The following KCNQ5 variants were observed in gnomAD, a reference collection of about 807,000 sequenced individuals.
KCNQ5 encodes the protein potassium voltage-gated channel subfamily Q member 5.
KCNQ5 carries 30 observed loss-of-function variants against 98.2 expected under a neutral mutation model. That is an observed-to-expected ratio of 0.31 (90% CI 0.23 to 0.41). The LOEUF (loss-of-function observed/expected upper bound fraction) is 0.41, where lower values mean the gene tolerates loss of function less well. Ranked by LOEUF, KCNQ5 falls within the 10% of genes least tolerant of loss-of-function variation. The pLI, the probability that KCNQ5 is intolerant of heterozygous loss-of-function variation, is 1.00. For missense variants in KCNQ5, 835 were observed against 1,182.5 expected, an observed-to-expected ratio of 0.71 and a Z score of 4.31; for synonymous variants, 458 against 449.4, an observed-to-expected ratio of 1.02 and a Z score of -0.24.
At chr6:72,977,537 C>T (rs1345835133) in intron 1 of KCNQ5, among the ~76,000 whole-genome samples, 1 of 152,106 alleles carries the variant, frequency 6.6e-6, no homozygotes, top group African/African-American at 2.4e-5. Flanking sequence ...ATGATAAAAG[C>T]AGTTCCATAG....
At chr6:72,978,387 C>T (rs1299644125) in intron 1 of KCNQ5, among the ~76,000 whole-genome samples, 1 of 152,228 alleles carries the variant, frequency 6.6e-6, no homozygotes, top group African/African-American at 2.4e-5. Context: ...CCATGAACTG[C>T]ATGTCCCATC....
chr6:72,837,475 C>T lies in KCNQ5; in HGVS notation c.399-166433C>T, dbSNP rs185574867. Among the ~76,000 whole-genome samples the T allele has an allele frequency of 4.2e-4, 64 of 152,088 alleles. No individual in the cohort carries two copies. The South Asian group carries it at 5.4e-3, about 13-fold the overall frequency. On this transcript the variant is annotated intron_variant, in intron 1 of 13. Transcript: ENST00000370398. Reference sequence around the variant, plus strand: ...TATGTAACACCTGTACTAGGTGTTACGTGGAATGTCAGAGAAACTTGTAAT... The same window carrying T: ...TATGTAACACCTGTACTAGGTGTTATGTGGAATGTCAGAGAAACTTGTAAT...
At chr6:73,114,901 C>T (rs944543735) in intron 7 of KCNQ5, among the ~76,000 whole-genome samples, 4 of 152,020 alleles carry the variant, frequency 2.6e-5, no homozygotes, top group African/African-American at 9.7e-5. Context: ...TTTGGCTTCC[C>T]CTAGTAAAAT....
chr6:72,705,494 A>C (rs1369125976), intron 1 of KCNQ5, among the ~76,000 whole-genome samples: 1 of 152,134 alleles, frequency 6.6e-6, no homozygotes, highest in Non-Finnish European at 1.5e-5. Flanking sequence ...AAGTAGGTGC[A>C]GATTGACATG....
intron 1 of KCNQ5, among the ~76,000 whole-genome samples, chr6:72,687,835 C>CTTTTTTTTTTTTTTTTTTTATTTT (rs531246586): frequency 7.4e-6 from 1 of 135,974 alleles, no homozygotes; most frequent in Non-Finnish European, 1.6e-5. Flanking sequence ...TTATTGATCC[C>CTTTTTTTTTTTTTTTTTTTATTTT]TTTTTTTTTT....
chr6:72,764,769 C>T (rs1223324267), intron 1 of KCNQ5, among the ~76,000 whole-genome samples: 1 of 151,988 alleles, frequency 6.6e-6, no homozygotes, highest in Non-Finnish European at 1.5e-5. Context: ...CAGCACCCCA[C>T]TACCCTTGCA....
intron 1 of KCNQ5, among the ~76,000 whole-genome samples, chr6:72,645,037 G>A (rs539306968): frequency 1.3e-3 from 194 of 152,020 alleles, no homozygotes; most frequent in African/African-American, 4.5e-3. Context: ...AGCATGCTGG[G>A]ATGGCCTGGA....
chr6:72,760,882 C>G (rs1301665408), intron 1 of KCNQ5, among the ~76,000 whole-genome samples: 2 of 152,222 alleles, frequency 1.3e-5, no homozygotes, highest in African/African-American at 4.8e-5. Flanking sequence ...AAAGTACCAC[C>G]TTCTTTCACA....
intron 1 of KCNQ5, among the ~76,000 whole-genome samples, chr6:72,840,314 A>C (rs975651278): frequency 4.8e-4 from 73 of 152,306 alleles, no homozygotes; most frequent in African/African-American, 1.7e-3. Flanking sequence ...TTTTATTTTT[A>C]GTATTTTAAA....
chr6:72,968,357 AAGT>A (rs1377848502), intron 1 of KCNQ5, among the ~76,000 whole-genome samples: 2 of 152,154 alleles, frequency 1.3e-5, no homozygotes, highest in African/African-American at 4.8e-5. Flanking sequence ...TGCAAACTCA[AAGT>A]ACTGAAAGTG....
intron 1 of KCNQ5, among the ~76,000 whole-genome samples, chr6:72,729,818 T>G (rs1277445435): frequency 6.6e-6 from 1 of 152,208 alleles, no homozygotes; most frequent in Non-Finnish European, 1.5e-5. Flanking sequence ...AAATTTACTT[T>G]CTTATACTGG....
At chr6:73,174,648 C>A (rs1778147279) in intron 11 of KCNQ5, among the ~76,000 whole-genome samples, 1 of 152,222 alleles carries the variant, frequency 6.6e-6, no homozygotes, top group African/African-American at 2.4e-5. Flanking sequence ...CTCCCACCCT[C>A]CCTGAAGCTG....
intron 5 of KCNQ5, among the ~76,000 whole-genome samples, chr6:73,086,716 A>G (rs1324425232): frequency 6.6e-6 from 1 of 152,260 alleles, no homozygotes; most frequent in Non-Finnish European, 1.5e-5. Flanking sequence ...TAAGGAAATA[A>G]GAATCCCTAC....
At chr6:72,765,974 A>G (rs1411293649) in intron 1 of KCNQ5, among the ~76,000 whole-genome samples, 4 of 152,026 alleles carry the variant, frequency 2.6e-5, no homozygotes, top group Non-Finnish European at 5.9e-5. Context: ...CTGTGTGCCA[A>G]GTCCTCTCTA....
intron 9 of KCNQ5, among the ~76,000 whole-genome samples, chr6:73,129,559 C>T (rs184705405): frequency 2.6e-5 from 4 of 152,324 alleles, no homozygotes; most frequent in African/African-American, 9.6e-5. Flanking sequence ...AGACTATCAT[C>T]ATTTGTATGT....
Position 73,195,747 on chromosome 6 carries a change from A to G in KCNQ5, c.*333A>G. ...CACTGTATTTTGAAATTATGGGAGT[A>G]AACACCTTCAAATTTCAGGCATTTC... On this transcript the variant is annotated 3_prime_UTR_variant, in exon 14 of 14. Transcript: ENST00000370398. 1 of 239,358 alleles carries G rather than the reference A, an allele frequency of 4.2e-6. No individual in the cohort carries two copies. 14.8% of individuals were successfully genotyped at this position (239,358 alleles called of 1,614,324 possible). A position where few individuals can be genotyped will look rare whatever the true frequency, so the allele number is the denominator to read the frequency against.
At position 72,622,207 on chromosome 6, in the gene KCNQ5, G is replaced by A. The variant is rs1037269066; in HGVS notation, c.18G>A (p.Ala6=). 8.1e-7 allele frequency: 1 copy of A among 1,228,198 alleles called. No homozygotes were observed. The highest frequency in any genetic ancestry group is 1.6e-5 in the African/African-American group (1 of 64,094). 76.1% of individuals were successfully genotyped at this position (1,228,198 alleles called of 1,614,324 possible). A position where few individuals can be genotyped will look rare whatever the true frequency, so the allele number is the denominator to read the frequency against. The change falls in exon 1 of 14, where the codon GCG becomes GCA. Residue 6 remains alanine (A), a synonymous_variant. Coordinates refer to ENST00000370398, the MANE Select transcript of KCNQ5 (RefSeq NM_019842.4). The surrounding 1 kb of genome is among the most constrained non-coding windows in gnomAD (Gnocchi z 6.0). ...GTGATGCCATGCCCCGCCACCACGC[G>A]GGAGGAGAGGAGGGCGGCGCCGCCG... The part of the protein sequence containing the change: MPRHH[A]GGEEGGAAGL...
intron 10 of KCNQ5, among the ~76,000 whole-genome samples, chr6:73,154,238 A>C (rs897753964): frequency 6.6e-6 from 1 of 152,126 alleles, no homozygotes; most frequent in African/African-American, 2.4e-5. Flanking sequence ...GATTTTTCTA[A>C]CTCTTAATTT....
chr6:72,986,537 T>C lies in KCNQ5; in HGVS notation c.399-17371T>C, dbSNP rs548695795. ...AGAGTGTGGTCCATGGGAAGGCACC[T>C]GAGATGCCTCTAGTGAAGAAAACAA... On this transcript the variant is annotated intron_variant, in intron 1 of 13. Transcript: ENST00000370398. The C allele has an allele frequency of 4.6e-5, 26 of 563,358 alleles. No individual in the cohort carries two copies. In the South Asian group the frequency reaches 7.1e-4, roughly 15 times the overall value. The allele number at this position is 563,358 out of a possible 1,614,324, so 34.9% of individuals were successfully genotyped here.
Sources: allele counts gnomAD v4.1 joint callset (sites outside exome capture counted in the v4.1 genomes callset), GRCh38; gene constraint gnomAD v4.1.1; non-coding constraint Gnocchi (gnomAD v3.1); transcripts MANE v1.5; gene names NCBI Gene and HGNC (gene_info 2026-07-23, HGNC 2026-07-21).